Variants in MAP3K2 observed in about 807,000 individuals in gnomAD.
MAP3K2 encodes the protein MAP/ERK kinase kinase 2.
A neutral mutation model predicts 80.3 loss-of-function variants in MAP3K2; 24 were observed. That is an observed-to-expected ratio of 0.30 (90% CI 0.22 to 0.42). MAP3K2 has a LOEUF of 0.42. Ranked by LOEUF, MAP3K2 falls within the 10% of genes least tolerant of loss-of-function variation. The pLI, the probability that MAP3K2 is intolerant of heterozygous loss-of-function variation, is 1.00. For missense variants in MAP3K2, 608 were observed against 750.1 expected (o/e 0.81, Z 2.21); for synonymous variants, 244 against 253.7 (o/e 0.96, Z 0.36).
chr2:127,307,298 A>G lies in MAP3K2; in HGVS notation c.*281T>C, dbSNP rs947696139. 2 of 196,636 alleles carry G rather than the reference A, an allele frequency of 1.0e-5. No homozygotes were observed. The highest frequency in any genetic ancestry group is 4.7e-5 in the African/African-American group (2 of 42,904). The allele number at this position is 196,636 out of a possible 1,614,324, so 12.2% of individuals were successfully genotyped here. A position where few individuals can be genotyped will look rare whatever the true frequency, so the allele number is the denominator to read the frequency against. ...TGATTTGTTTGTACTAAAAAGAGTG[A>G]CTATGTACTAAAGTGCTTTATCTCT... On this transcript the variant is annotated 3_prime_UTR_variant, in exon 17 of 17. Transcript: ENST00000682094. This position sits in a 1 kb window ranked among gnomAD's most constrained non-coding sequence, Gnocchi z 5.4.
At chr2:127,388,001 C>T, upstream of MAP3K2, 4 of 983,664 alleles carry the variant, frequency 4.1e-6, no homozygotes, top group East Asian at 1.2e-4. Flanking sequence ...GCGCACGTCA[C>T]GGCCGCTCGC....
intron 15 of MAP3K2, among the ~76,000 whole-genome samples, chr2:127,313,310 T>A (rs1403370131): frequency 1.3e-5 from 2 of 152,186 alleles, no homozygotes; most frequent in Non-Finnish European, 2.9e-5. Flanking sequence ...CCTAACTGAA[T>A]AACTTCTCTA....
chr2:127,307,376 G>T lies in MAP3K2; in HGVS notation c.*203C>A. Reference sequence around the variant, plus strand: ...TTAAAAAAAAAAACTTCAAGTTCTTGTAAGGGAAAAAAAGATTAAATATAA... The same window carrying T: ...TTAAAAAAAAAAACTTCAAGTTCTTTTAAGGGAAAAAAAGATTAAATATAA... On this transcript the variant is annotated 3_prime_UTR_variant, in exon 17 of 17. Transcript: ENST00000682094. This position sits in a 1 kb window ranked among gnomAD's most constrained non-coding sequence, Gnocchi z 5.4. The T allele has an allele frequency of 8.7e-6, 3 of 343,136 alleles. No individual in the cohort carries two copies. The highest frequency in any genetic ancestry group is 1.6e-5 in the Non-Finnish European group (3 of 193,396). 21.3% of individuals were successfully genotyped at this position (343,136 alleles called of 1,614,324 possible).
chr2:127,307,561 A>C lies in MAP3K2; in HGVS notation c.*18T>G. On this transcript the variant is annotated 3_prime_UTR_variant, in exon 17 of 17. Coordinates refer to ENST00000682094, the MANE Select transcript of MAP3K2 (RefSeq NM_001371910.2). The surrounding 1 kb of genome is among the most constrained non-coding windows in gnomAD (Gnocchi z 5.4). Reference sequence around the variant, plus strand: ...ATAGATGGGAGCTAGGTAGAGGCACAGGAGAGGTTACTGGCTGCTAGTGAT... The same window carrying C: ...ATAGATGGGAGCTAGGTAGAGGCACCGGAGAGGTTACTGGCTGCTAGTGAT... The C allele has an allele frequency of 2.6e-6, 4 of 1,524,908 alleles. No individual in the cohort carries two copies. The highest frequency in any genetic ancestry group is 2.4e-5 in the East Asian group (1 of 41,290). 94.5% of individuals were successfully genotyped at this position (1,524,908 alleles called of 1,614,324 possible).
At chr2:127,388,283 C>G (rs1425243482), upstream of MAP3K2, 1 of 985,438 alleles carries the variant, frequency 1.0e-6, no homozygotes, top group Non-Finnish European at 1.2e-6. Context: ...TGGCCAGATC[C>G]CAGACATCCG....
chr2:127,324,843 G>C (rs1394068939), intron 9 of MAP3K2, among the ~76,000 whole-genome samples: 2 of 152,218 alleles, frequency 1.3e-5, no homozygotes, highest in African/African-American at 4.8e-5. Flanking sequence ...GTCCTATTGA[G>C]ACCAGGAGGG....
rs1434624750 is a variant in MAP3K2, at chr2:127,371,026, C to T, written c.-66+16426G>A. On this transcript the variant is annotated intron_variant, in intron 1 of 16. Coordinates refer to ENST00000682094, the MANE Select transcript of MAP3K2 (RefSeq NM_001371910.2). ...CTTAGCCTGCCCAGTAATGCAAGAA[C>T]GACAATGCAATCAGGTACATGAACC... is the stretch of plus-strand genomic sequence containing the variant. 3.3e-5 allele frequency among the ~76,000 whole-genome samples: 5 copies of T among 152,248 alleles called. 1 individual carries two copies. Among genetic ancestry groups the T allele is most frequent in the South Asian group, 4.1e-4 (2 of 4,822 alleles).
At chr2:127,363,743 C>T (rs1686927652) in intron 1 of MAP3K2, among the ~76,000 whole-genome samples, 1 of 152,164 alleles carries the variant, frequency 6.6e-6, no homozygotes. Flanking sequence ...CACTCTGTCA[C>T]CTAGCCTGGC....
At chr2:127,315,220 T>C (rs1685877849) in intron 14 of MAP3K2, among the ~76,000 whole-genome samples, 2 of 152,218 alleles carry the variant, frequency 1.3e-5, no homozygotes. Context: ...TAAGGTGCCA[T>C]CTCTGAGAAA....
At chr2:127,319,671 A>G (rs891140264) in intron 12 of MAP3K2, among the ~76,000 whole-genome samples, 2 of 149,642 alleles carry the variant, frequency 1.3e-5, no homozygotes, top group South Asian at 2.2e-4. Context: ...AAAAAAAAAA[A>G]AAAAAAAGAA....
intron 1 of MAP3K2, among the ~76,000 whole-genome samples, chr2:127,343,963 G>A (rs553582367): frequency 8.5e-5 from 13 of 152,058 alleles, no homozygotes; most frequent in Admixed American, 5.2e-4. Context: ...TGAGGTTGCA[G>A]TGAGCTGTGG....
chr2:127,364,000 C>A (rs1253267175), intron 1 of MAP3K2, among the ~76,000 whole-genome samples: 1 of 152,206 alleles, frequency 6.6e-6, no homozygotes, highest in Non-Finnish European at 1.5e-5. Flanking sequence ...CAGCACCTAA[C>A]AGTACTTTGC....
intron 1 of MAP3K2, among the ~76,000 whole-genome samples, chr2:127,378,564 CAG>C (rs1687188761): frequency 6.6e-6 from 1 of 151,994 alleles, no homozygotes; most frequent in South Asian, 2.1e-4. Context: ...TTATATAAAT[CAG>C]TAAAATTGTA....
intron 1 of MAP3K2, among the ~76,000 whole-genome samples, chr2:127,384,146 C>T (rs888525234): frequency 2.0e-5 from 3 of 151,366 alleles, no homozygotes; most frequent in Non-Finnish European, 4.4e-5. Context: ...CTGCCCGCCT[C>T]GGCCTCCCAA....
chr2:127,375,416 TTA>T (rs1164744044), intron 1 of MAP3K2, among the ~76,000 whole-genome samples: 20 of 147,322 alleles, frequency 1.4e-4, no homozygotes, highest in East Asian at 9.7e-4. Context: ...ATTTATTTAT[TTA>T]TTTTTTTTTT....
intron 7 of MAP3K2, among the ~76,000 whole-genome samples, chr2:127,328,874 T>C (rs779877707): frequency 6.6e-6 from 1 of 152,228 alleles, no homozygotes; most frequent in African/African-American, 2.4e-5. Context: ...TCCTCCTCTT[T>C]AACTTTTCTC....
intron 15 of MAP3K2, among the ~76,000 whole-genome samples, chr2:127,314,385 G>A (rs1685862244): frequency 6.6e-6 from 1 of 152,206 alleles, no homozygotes; most frequent in South Asian, 2.1e-4. Context: ...CTGAGAGACT[G>A]AGTAACTTGT....
At chr2:127,344,079 T>A (rs1475515954) in intron 1 of MAP3K2, among the ~76,000 whole-genome samples, 1 of 152,134 alleles carries the variant, frequency 6.6e-6, no homozygotes, top group Non-Finnish European at 1.5e-5. Flanking sequence ...TATTATAAGA[T>A]GTTAACTGTA....
At chr2:127,362,986 T>C (rs2104875527) in intron 1 of MAP3K2, among the ~76,000 whole-genome samples, 1 of 152,194 alleles carries the variant, frequency 6.6e-6, no homozygotes. Flanking sequence ...TTTAAAATAA[T>C]GCAACAATAA....
Sources: allele counts gnomAD v4.1 joint callset (sites outside exome capture counted in the v4.1 genomes callset), GRCh38; gene constraint gnomAD v4.1.1; non-coding constraint Gnocchi (gnomAD v3.1); transcripts MANE v1.5; gene names NCBI Gene and HGNC (gene_info 2026-07-23, HGNC 2026-07-21).